MAML2: variants seen among roughly 807,000 people sequenced by gnomAD.
MAML2 encodes mastermind-like protein 2.
MAML2 carries 22 observed loss-of-function variants against 96.1 expected under a neutral mutation model. That is an observed-to-expected ratio of 0.23 (90% CI 0.16 to 0.33). The LOEUF is 0.33. Ranked by LOEUF, MAML2 falls within the 10% of genes least tolerant of loss-of-function variation. The pLI, the probability that MAML2 is intolerant of heterozygous loss-of-function variation, is 1.00. For synonymous variants in MAML2, 561 were observed against 521.3 expected (o/e 1.08, Z -1.04); for missense variants, 1,367 against 1,392.4 (o/e 0.98, Z 0.29).
chr11:96,021,145 G>A (rs1398251899), intron 2 of MAML2, among the ~76,000 whole-genome samples: 1 of 151,928 alleles, frequency 6.6e-6, no homozygotes, highest in Non-Finnish European at 1.5e-5. Context: ...CCTCTCCTAT[G>A]TGCTTCCATA....
At chr11:96,186,051 AC>A (rs1377283852) in intron 1 of MAML2, among the ~76,000 whole-genome samples, 2 of 152,134 alleles carry the variant, frequency 1.3e-5, no homozygotes, top group African/African-American at 4.8e-5. Flanking sequence ...CAGTTTGAGG[AC>A]CCCAAGTGTA....
intron 1 of MAML2, among the ~76,000 whole-genome samples, chr11:96,309,783 G>A (rs988092827): frequency 6.7e-6 from 1 of 149,702 alleles, no homozygotes; most frequent in Non-Finnish European, 1.5e-5. Context: ...CTGAGGTCCC[G>A]ACCTCTCCAG....
chr11:96,098,566 T>G (rs550415373), intron 1 of MAML2, among the ~76,000 whole-genome samples: 1 of 152,258 alleles, frequency 6.6e-6, no homozygotes. Context: ...AAGTCCAGTC[T>G]GGTTTGCAGA....
intron 2 of MAML2, among the ~76,000 whole-genome samples, chr11:96,027,885 C>T (rs1858550009): frequency 6.6e-6 from 1 of 152,098 alleles, no homozygotes; most frequent in Non-Finnish European, 1.5e-5. Context: ...GTATGTGTTA[C>T]TGTGCCCGGC....
chr11:96,271,148 T>C (rs1376457678), intron 1 of MAML2, among the ~76,000 whole-genome samples: 1 of 152,230 alleles, frequency 6.6e-6, no homozygotes, highest in East Asian at 1.9e-4. Flanking sequence ...CCTTTGAGGT[T>C]CGGGACTTGG....
chr11:96,139,542 C>CT (rs10531010), intron 1 of MAML2, among the ~76,000 whole-genome samples: 36,426 of 145,860 alleles, frequency 0.25, 4,774 homozygotes, highest in Middle Eastern at 0.36. Context: ...ATAACAGTTC[C>CT]TTTTTTTTTT....
chr11:96,183,576 T>G (rs1395492533), intron 1 of MAML2, among the ~76,000 whole-genome samples: 1 of 151,520 alleles, frequency 6.6e-6, no homozygotes, highest in East Asian at 1.9e-4. Flanking sequence ...TTTTTTTTTT[T>G]TTCAAATCTT....
Position 95,977,858 on chromosome 11 carries a change from T to A in MAML2, c.*1090A>T. Reference sequence around the variant, plus strand: ...AATGAAGGACAAATTGTTTTCCCTCTTGATTATGCGTTCCTTCAAACTCCG... The same window carrying A: ...AATGAAGGACAAATTGTTTTCCCTCATGATTATGCGTTCCTTCAAACTCCG... On this transcript the variant is annotated 3_prime_UTR_variant, in exon 5 of 5. Coordinates refer to ENST00000524717, the MANE Select transcript of MAML2 (RefSeq NM_032427.4). 4.4e-6 allele frequency: 1 copy of A among 226,726 alleles called. No individual in the cohort carries two copies. The highest frequency in any genetic ancestry group is 8.8e-6 in the Non-Finnish European group (1 of 113,872). The allele number at this position is 226,726 out of a possible 1,614,324, so 14.0% of individuals were successfully genotyped here. A position where few individuals can be genotyped will look rare whatever the true frequency, so the allele number is the denominator to read the frequency against.
At chr11:96,188,290 T>C (rs1220609051) in intron 1 of MAML2, among the ~76,000 whole-genome samples, 1 of 152,218 alleles carries the variant, frequency 6.6e-6, no homozygotes, top group Non-Finnish European at 1.5e-5. Flanking sequence ...CCTATAACCT[T>C]TCTAATTTCA....
chr11:96,243,207 T>C (rs1002984484), intron 1 of MAML2, among the ~76,000 whole-genome samples: 13 of 152,218 alleles, frequency 8.5e-5, no homozygotes, highest in African/African-American at 2.7e-4. Flanking sequence ...TCTCTCTTCC[T>C]TTCCGCTTTT....
intron 2 of MAML2, among the ~76,000 whole-genome samples, chr11:96,026,821 TA>T (rs34892837): frequency 0.69 from 92,745 of 134,584 alleles, 31,612 homozygotes; most frequent in Middle Eastern, 0.81. Flanking sequence ...GCTATGGGGT[TA>T]AAAAAAAAAA....
intron 1 of MAML2, among the ~76,000 whole-genome samples, chr11:96,243,377 T>C (rs1173043998): frequency 2.6e-5 from 4 of 152,196 alleles, no homozygotes; most frequent in Non-Finnish European, 4.4e-5. Flanking sequence ...CGGCAGGCAC[T>C]TCCTGCTAGA....
chr11:96,123,812 G>A (rs1860391170), intron 1 of MAML2, among the ~76,000 whole-genome samples: 2 of 152,134 alleles, frequency 1.3e-5, no homozygotes, highest in African/African-American at 2.4e-5. Context: ...GGTGGCTCAC[G>A]CCTGTAATCC....
At chr11:96,035,868 T>C (rs549815541) in intron 2 of MAML2, among the ~76,000 whole-genome samples, 1 of 152,274 alleles carries the variant, frequency 6.6e-6, no homozygotes, top group South Asian at 2.1e-4. Flanking sequence ...CCTAGCTCCA[T>C]GTGACCGTGG....
At chr11:96,093,628 C>T (rs1158477834) in intron 1 of MAML2, 111 bp from the exon 2 acceptor site, 1 of 846,158 alleles carries the variant, frequency 1.2e-6, no homozygotes, top group Non-Finnish European at 1.8e-6. Context: ...ACACAAGATT[C>T]AGTTTTTTAA....
At chr11:96,041,030 T>C (rs1590976565) in intron 2 of MAML2, among the ~76,000 whole-genome samples, 1 of 152,236 alleles carries the variant, frequency 6.6e-6, no homozygotes, top group Admixed American at 6.5e-5. Context: ...TGTTCCAGTA[T>C]GTGATTATAC....
chr11:95,990,505 C>G (rs1726995941), intron 3 of MAML2, among the ~76,000 whole-genome samples: 1 of 152,158 alleles, frequency 6.6e-6, no homozygotes, highest in South Asian at 2.1e-4. Context: ...ATAGAAAGTT[C>G]TTTCTGAAAT....
chr11:96,319,852 G>A (rs908772836), intron 1 of MAML2, among the ~76,000 whole-genome samples: 11 of 152,156 alleles, frequency 7.2e-5, no homozygotes, highest in South Asian at 2.1e-4. Flanking sequence ...TAAATAATCC[G>A]ATAATTTTTT....
chr11:96,179,411 T>C (rs562266819), intron 1 of MAML2, among the ~76,000 whole-genome samples: 5 of 152,178 alleles, frequency 3.3e-5, no homozygotes, highest in African/African-American at 1.2e-4. Context: ...AGTCCTTCCT[T>C]ATTTCTTTAA....
Sources: gnomAD v4.1 joint callset for allele counts (sites outside exome capture counted in the v4.1 genomes callset) on GRCh38, gnomAD v4.1.1 for gene constraint, MANE v1.5 for transcripts, NCBI Gene and HGNC (gene_info 2026-07-23, HGNC 2026-07-21) for gene names.